Variants in TMPRSS11E observed in about 807,000 individuals in gnomAD.
TMPRSS11E encodes the protein transmembrane serine protease 11E.
TMPRSS11E carries 38 observed loss-of-function variants against 48.1 expected under a neutral mutation model. That is an observed-to-expected ratio of 0.79 (90% CI 0.61 to 1.04). TMPRSS11E has a LOEUF of 1.04. Among genes scored for constraint, TMPRSS11E ranks in the 50% least tolerant of loss-of-function variants. The pLI, the probability that TMPRSS11E is intolerant of heterozygous loss-of-function variation, is 0.00. For missense variants in TMPRSS11E, 530 were observed against 510.8 expected (o/e 1.04, Z -0.36); for synonymous variants, 158 against 171.9 (o/e 0.92, Z 0.63).
chr4:68,483,951 C>G (rs1283645454), intron 9 of TMPRSS11E, among the ~76,000 whole-genome samples: 1 of 152,110 alleles, frequency 6.6e-6, no homozygotes, highest in Non-Finnish European at 1.5e-5. Flanking sequence ...TGTAGACATG[C>G]AGCTTTACTT....
intron 9 of TMPRSS11E, among the ~76,000 whole-genome samples, chr4:68,480,167 C>T (rs1158534035): frequency 6.6e-6 from 1 of 151,856 alleles, no homozygotes; most frequent in African/African-American, 2.4e-5. Flanking sequence ...AGATTTATAT[C>T]CTTTGTCAAG....
chr4:68,480,621 T>A (rs929310348), intron 9 of TMPRSS11E, among the ~76,000 whole-genome samples: 2 of 152,194 alleles, frequency 1.3e-5, no homozygotes, highest in Non-Finnish European at 2.9e-5. Context: ...ATTTGTGTTA[T>A]CTCAGTGTTG....
In TMPRSS11E at chr4:68,496,679, A is replaced by G. The variant is rs1344470051; in HGVS notation, c.1147A>G (p.Arg383Gly). 2.5e-6 allele frequency: 4 copies of G among 1,610,974 alleles called. No homozygotes were observed. The highest frequency in any genetic ancestry group is 1.7e-4 in the Middle Eastern group (1 of 6,052). ...SGGPLVSSDARDIWYLAGIVS... is the reference protein window; with the variant it reads ...SGGPLVSSDAGDIWYLAGIVS... ...AGGACCACTGGTTAGTTCAGATGCT[A>G]GAGATATCTGGTACCTTGCTGGAAT... is the stretch of plus-strand genomic sequence containing the variant. Residue 383 changes from arginine to glycine, a missense_variant, in exon 10 of 10, where the codon AGA becomes GGA. Physicochemically the swap from Arg to Gly is moderately radical, Grantham distance 125. Transcript: ENST00000305363.
At chr4:68,457,501 G>A (rs1224994655) in intron 1 of TMPRSS11E, among the ~76,000 whole-genome samples, 1 of 152,094 alleles carries the variant, frequency 6.6e-6, no homozygotes, top group East Asian at 1.9e-4. Context: ...ATTCCTCAAG[G>A]ATCTAGAACC....
chr4:68,486,664 T>C (rs887490356), intron 9 of TMPRSS11E, among the ~76,000 whole-genome samples: 6 of 152,208 alleles, frequency 3.9e-5, no homozygotes, highest in African/African-American at 1.4e-4. Flanking sequence ...TTTGGTCAAG[T>C]GTTGAGTTTA....
intron 1 of TMPRSS11E, among the ~76,000 whole-genome samples, chr4:68,457,848 T>C (rs138976474): frequency 0.24 from 35,915 of 151,684 alleles, 4,593 homozygotes; most frequent in Middle Eastern, 0.31. Flanking sequence ...AACCAAATAC[T>C]GCATGTTTTC....
chr4:68,486,755 T>C (rs1394243114), intron 9 of TMPRSS11E, among the ~76,000 whole-genome samples: 1 of 152,200 alleles, frequency 6.6e-6, no homozygotes, highest in Non-Finnish European at 1.5e-5. Flanking sequence ...ATTTTGTATT[T>C]ATCTAAGTCT....
At chr4:68,461,703 C>G in intron 1 of TMPRSS11E, 118 bp from the exon 2 acceptor site, 1 of 1,499,220 alleles carries the variant, frequency 6.7e-7, no homozygotes, top group Non-Finnish European at 9.1e-7. Flanking sequence ...GCTCTAAACC[C>G]AGACAGTACA....
intron 9 of TMPRSS11E, among the ~76,000 whole-genome samples, chr4:68,489,205 T>G (rs1729647325): frequency 6.6e-6 from 1 of 152,192 alleles, no homozygotes; most frequent in Non-Finnish European, 1.5e-5. Context: ...TTCATTCGTT[T>G]TTGGATGATT....
intron 2 of TMPRSS11E, among the ~76,000 whole-genome samples, chr4:68,463,327 G>A (rs1728844278): frequency 6.6e-6 from 1 of 152,034 alleles, no homozygotes; most frequent in South Asian, 2.1e-4. Flanking sequence ...TTTTGAGACG[G>A]AGTCTTGGTC....
At chr4:68,454,635 C>T (rs1435108508) in intron 1 of TMPRSS11E, among the ~76,000 whole-genome samples, 1 of 151,770 alleles carries the variant, frequency 6.6e-6, no homozygotes, top group African/African-American at 2.4e-5. Context: ...TCAATTTCTC[C>T]TCATTGCTGA....
At chr4:68,465,050 G>C (rs1034768421) in intron 2 of TMPRSS11E, among the ~76,000 whole-genome samples, 3 of 152,220 alleles carry the variant, frequency 2.0e-5, no homozygotes, top group Non-Finnish European at 2.9e-5. Flanking sequence ...GTAGTTTACA[G>C]AGATAGTTAT....
Position 68,476,245 on chromosome 4 carries a change from C to A in TMPRSS11E, c.530-16C>A, listed in dbSNP as rs371712937. 13 of 1,613,382 alleles carry A rather than the reference C, an allele frequency of 8.1e-6. No homozygotes were observed. Among genetic ancestry groups the A allele is most frequent in the South Asian group, 4.4e-5 (4 of 91,060 alleles). On this transcript the variant is annotated splice_polypyrimidine_tract_variant and intron_variant, in intron 6 of 9. Coordinates refer to ENST00000305363, the MANE Select transcript of TMPRSS11E (RefSeq NM_014058.4). ...TTAATGCACCCACCAATGCACCCCC[C>A]CTCTCTCTTTTGCAGGCTGCGGAAC...
intron 2 of TMPRSS11E, among the ~76,000 whole-genome samples, chr4:68,462,456 A>G (rs930242233): frequency 2.7e-5 from 4 of 150,216 alleles, no homozygotes; most frequent in African/African-American, 9.8e-5. Flanking sequence ...GATGGTGTAC[A>G]CCTGTAGTCC....
chr4:68,490,489 T>G (rs2109720083), intron 9 of TMPRSS11E, among the ~76,000 whole-genome samples: 1 of 152,278 alleles, frequency 6.6e-6, no homozygotes, highest in East Asian at 1.9e-4. Context: ...CCACTCAGCT[T>G]CCTTTGATGC....
At chr4:68,460,214 T>A (rs1030684434) in intron 1 of TMPRSS11E, among the ~76,000 whole-genome samples, 7 of 152,196 alleles carry the variant, frequency 4.6e-5, no homozygotes, top group African/African-American at 1.7e-4. Context: ...TTGACTTCTA[T>A]GCCAATGCTC....
chr4:68,465,215 A>G (rs1159305167), intron 2 of TMPRSS11E, among the ~76,000 whole-genome samples: 1 of 152,170 alleles, frequency 6.6e-6, no homozygotes, highest in Non-Finnish European at 1.5e-5. Context: ...TCCTTCACTT[A>G]GGTCTCTTGT....
intron 1 of TMPRSS11E, among the ~76,000 whole-genome samples, chr4:68,458,383 C>T (rs1286889621): frequency 1.3e-5 from 2 of 152,106 alleles, no homozygotes; most frequent in Non-Finnish European, 2.9e-5. Flanking sequence ...GTTATATTCA[C>T]TTGACTTGTC....
chr4:68,491,003 C>T (rs1187053226), intron 9 of TMPRSS11E, among the ~76,000 whole-genome samples: 1 of 151,940 alleles, frequency 6.6e-6, no homozygotes, highest in Non-Finnish European at 1.5e-5. Context: ...AGGTCATCCA[C>T]CTGCTTCAGC....
Sources: allele counts gnomAD v4.1 joint callset (sites outside exome capture counted in the v4.1 genomes callset), GRCh38; gene constraint gnomAD v4.1.1; transcripts MANE v1.5; gene names NCBI Gene and HGNC (gene_info 2026-07-23, HGNC 2026-07-21).